The following ADAMTSL5 variants were observed in gnomAD, a reference collection of about 807,000 sequenced individuals.
ADAMTSL5 encodes the protein ADAMTS-like protein 5.
A neutral mutation model predicts 51.7 loss-of-function variants in ADAMTSL5; 53 were observed. That is an observed-to-expected ratio of 1.03 (90% CI 0.82 to 1.29). ADAMTSL5 has a LOEUF of 1.29. ADAMTSL5 is among the 50% of genes most tolerant of loss of function. The pLI is 0.00. For synonymous variants in ADAMTSL5, 285 were observed against 278.7 expected (o/e 1.02, Z -0.23); for missense variants, 770 against 676.2 (o/e 1.14, Z -1.54).
At chr19:1,510,109 G>C (rs374110810) in intron 5 of ADAMTSL5, 41 bp downstream of exon 5, 1 of 1,503,590 alleles carries the variant, frequency 6.7e-7, no homozygotes. Flanking sequence ...TGAGTTGTTC[G>C]CTCTGGACCA....
intron 6 of ADAMTSL5, 83 bp from the exon 7 acceptor site, chr19:1,508,192 G>A: frequency 7.0e-7 from 1 of 1,435,694 alleles, no homozygotes; most frequent in Non-Finnish European, 9.5e-7. Context: ...GGAGCAAGAG[G>A]ACGAGGCCTG....
chr19:1,506,084 G>C lies in ADAMTSL5; in HGVS notation c.1347C>G (p.Gly449=). ...CCGCAGGGCTCCAGGGCCGGGCGTA[G>C]CCGGCGTGGGGCAGCAGCAGCTGGT... ...TQDQLLLPHA[G]YARPWSPAED... The change falls in exon 12 of 12, where the codon GGC becomes GGG. Residue 449 remains glycine (G), a synonymous_variant. Transcript: ENST00000330475. The surrounding 1 kb of genome is among the most constrained non-coding windows in gnomAD (Gnocchi z 5.6). 1 of 1,600,958 alleles carries C rather than the reference G, an allele frequency of 6.2e-7. No homozygotes were observed. The highest frequency in any genetic ancestry group is 8.5e-7 in the Non-Finnish European group (1 of 1,176,772).
chr19:1,510,026 C>T (rs1339301936), intron 5 of ADAMTSL5, 124 bp downstream of exon 5: 3 of 757,584 alleles, frequency 4.0e-6, no homozygotes, highest in East Asian at 2.7e-5. Flanking sequence ...CTAACTCCTA[C>T]ATATCCTTCA....
chr19:1,506,861 G>T lies in ADAMTSL5; in HGVS notation c.920C>A (p.Pro307His). The T allele has an allele frequency of 2.6e-6, 4 of 1,547,986 alleles. No homozygotes were observed. The highest frequency in any genetic ancestry group is 3.5e-6 in the Non-Finnish European group (4 of 1,145,926). ...EFWLPRERYS[P>H]FQARVQALGW... ...CAGGGCCTGCACACGAGCCTGGAAGGGGCTGTAGCGCTCCCGAGGGAGCCA... is the reference window on the plus strand; with the variant it reads ...CAGGGCCTGCACACGAGCCTGGAAGTGGCTGTAGCGCTCCCGAGGGAGCCA... The change falls in exon 10 of 12, where the codon CCC becomes CAC. Residue 307 changes from proline to histidine, a missense_variant. By Grantham distance (77) the Pro-to-His change is moderately conservative. Coordinates refer to ENST00000330475, the MANE Select transcript of ADAMTSL5 (RefSeq NM_213604.3). The surrounding 1 kb of genome is among the most constrained non-coding windows in gnomAD (Gnocchi z 5.6).
rs761415171 is a variant in ADAMTSL5, at chr19:1,506,037, G to A, written c.1394C>T (p.Thr465Ile). Residue 465 changes from threonine (T) to isoleucine (I), a missense_variant, in exon 12 of 12, where the codon ACT becomes ATT. By Grantham distance (89) the Thr-to-Ile change is moderately conservative (BLOSUM62 -1). Transcript: ENST00000330475. This position sits in a 1 kb window ranked among gnomAD's most constrained non-coding sequence, Gnocchi z 5.6. Reference sequence around the variant, plus strand: ...GGCTCAGCCAGGACAGCGCCGGGCAGTCAGGCGTATGCGGCTGTCCTCCGC... The same window carrying A: ...GGCTCAGCCAGGACAGCGCCGGGCAATCAGGCGTATGCGGCTGTCCTCCGC... Reference protein sequence around the residue: ...SPAEDSRIRLTARRCPG With the variant: ...SPAEDSRIRLIARRCPG 1.3e-6 allele frequency: 2 copies of A among 1,582,378 alleles called. No homozygotes were observed. The highest frequency in any genetic ancestry group is 3.5e-5 in the Admixed American group (2 of 57,302).
chr19:1,508,757 C>T (rs900428565), intron 5 of ADAMTSL5, 187 bp from the exon 6 acceptor site: 5 of 617,698 alleles, frequency 8.1e-6, no homozygotes, highest in Middle Eastern at 2.8e-4. Flanking sequence ...ACCTGGGACT[C>T]GCAGGCAAGT....
Position 1,507,567 on chromosome 19 carries a change from G to A in ADAMTSL5, c.678C>T (p.Arg226=), listed in dbSNP as rs377723139. The change falls in exon 8 of 12, where the codon CGC becomes CGT. Residue 226 remains arginine, a synonymous_variant. Coordinates refer to ENST00000330475, the MANE Select transcript of ADAMTSL5 (RefSeq NM_213604.3). ...CACATCCTAGGATACCCAGGTGGTT[G>A]CGGCTCCTGTGTTCCACGCGGATGT... The part of the protein sequence containing the change: ...ARHIRVEHRS[R]NHLALMGGDG... The A allele has an allele frequency of 3.1e-6, 5 of 1,613,514 alleles. No individual in the cohort carries two copies. Among genetic ancestry groups the A allele is most frequent in the Non-Finnish European group, 3.4e-6 (4 of 1,179,968 alleles).
Position 1,510,678 on chromosome 19 carries a change from C to G in ADAMTSL5, c.152G>C (p.Cys51Ser). ...GCTGCGCACAGAGACGCCACGCCCG[C>G]AGGAGCTGGAGCAGCGGGTCCAGGA... ...WVSWTRCSSS[C>S]GRGVSVRSRR... Residue 51 changes from cysteine (C) to serine (S), a missense_variant, in exon 3 of 12, where the codon TGC (cysteine) becomes TCC (serine). Cys to Ser is a moderately radical substitution (Grantham distance 112, BLOSUM62 -1). Transcript: ENST00000330475. 1 of 1,542,514 alleles carries G rather than the reference C, an allele frequency of 6.5e-7. No homozygotes were observed.
intron 7 of ADAMTSL5, 91 bp downstream of exon 7, chr19:1,507,907 G>A (rs942564300): frequency 7.3e-7 from 1 of 1,373,374 alleles, no homozygotes; most frequent in East Asian, 2.5e-5. Context: ...GCCGCACACT[G>A]GCCAATCAGC....
rs748762133 is a variant in ADAMTSL5 at position 1,508,063 on chromosome 19, C to T, written c.536G>A (p.Arg179His). The T allele has an allele frequency of 7.5e-6, 12 of 1,610,520 alleles. No homozygotes were observed. In the East Asian group the frequency reaches 2.0e-4, roughly 27 times the overall value. ...GLLGSGALED[R>H]CGRCGGANDS... ...GTTGGCGCCTCCGCAGCGGCCACAG[C>T]GGTCCTCGAGGGCACCCGAGCCCAA... Residue 179 changes from arginine to histidine, a missense_variant, in exon 7 of 12, where the codon CGC becomes CAC. Transcript: ENST00000330475.
Position 1,508,472 on chromosome 19 carries a change from G to T in ADAMTSL5, c.460C>A (p.Gln154Lys). Residue 154 changes from glutamine (Q) to lysine (K), a missense_variant, in exon 6 of 12, where the codon CAG becomes AAG. Gln to Lys is a moderately conservative substitution (Grantham distance 53). Coordinates refer to ENST00000330475, the MANE Select transcript of ADAMTSL5 (RefSeq NM_213604.3). ...CAGCGGCCAGCCACGCAGACCCCCT[G>T]GGCACCCGGGCTGCAGGCGGTGCCG... The part of the protein sequence containing the change: ...LDGTACSPGA[Q>K]GVCVAGRCLS... The T allele has an allele frequency of 1.3e-6, 2 of 1,579,326 alleles. No homozygotes were observed. Among genetic ancestry groups the T allele is most frequent in the East Asian group, 2.3e-5 (1 of 43,748 alleles).
chr19:1,507,616 G>A lies in ADAMTSL5; in HGVS notation c.629C>T (p.Thr210Ile). The change falls in exon 8 of 12, where the codon ACC (threonine) becomes ATC (isoleucine). Residue 210 changes from threonine to isoleucine, a missense_variant. By Grantham distance (89) the Thr-to-Ile change is moderately conservative. Transcript: ENST00000330475. ...AGAFAGYWNV[T>I]LIPEGARHIR... is the part of the protein sequence containing the mutation. The stretch of plus-strand genomic sequence containing the variant: ...GTGTCTGGCGCCCTCGGGGATCAGG[G>A]TCACGTTCCAGTACCCAGCGAAGGC... 1.2e-6 allele frequency: 2 copies of A among 1,613,572 alleles called. No homozygotes were observed. Among genetic ancestry groups the A allele is most frequent in the Non-Finnish European group, 8.5e-7 (1 of 1,180,014 alleles).
At position 1,507,943 on chromosome 19, in the gene ADAMTSL5, C is replaced by T; in HGVS notation, c.601+55G>A. 3.3e-6 allele frequency: 5 copies of T among 1,519,450 alleles called. No homozygotes were observed. The South Asian group carries it at 4.8e-5, about 15-fold the overall frequency. The allele number at this position is 1,519,450 out of a possible 1,614,324, so 94.1% of individuals were successfully genotyped here. On this transcript the variant is annotated intron_variant, in intron 7 of 11. Coordinates refer to ENST00000330475, the MANE Select transcript of ADAMTSL5 (RefSeq NM_213604.3). ...ACGGAAATTTGCTTCCGGGCCACGG[C>T]TCGTTAAAGGGCCCACTCTGACGTG...
At chr19:1,511,610 C>CCACAAA in intron 1 of ADAMTSL5, 1 of 1,266,650 alleles carries the variant, frequency 7.9e-7, no homozygotes, top group Non-Finnish European at 1.0e-6. Context: ...CCCTCCCCAC[C>CCACAAA]ATCACTGCTT....
In ADAMTSL5 at chr19:1,506,627, G is replaced by A. The variant is rs1214666039; in HGVS notation, c.1077C>T (p.Arg359=). The change falls in exon 11 of 12, where the codon CGC becomes CGT. Residue 359 remains arginine, a synonymous_variant. Transcript: ENST00000330475. The surrounding 1 kb of genome is among the most constrained non-coding windows in gnomAD (Gnocchi z 5.6). ...CGCAATAGTGGAGTAGTCGGTGGGC[G>A]CGGCCGCGGGTGTCAGGGCAGGGTG... is the stretch of plus-strand genomic sequence containing the variant. The part of the protein sequence containing the change: ...PCPPCPDTRG[R]AHRLLHYCGS... The A allele has an allele frequency of 8.7e-6, 14 of 1,611,634 alleles. No homozygotes were observed. In the African/African-American group the frequency reaches 9.4e-5, roughly 11 times the overall value.
Position 1,505,896 on chromosome 19 carries a change from C to T in ADAMTSL5, c.*119G>A. ...TGTGTGGGAGGGAGTCACATAGCTG[C>T]ACAGGTGGGACGTATTTCAGAGCTG... is the stretch of plus-strand genomic sequence containing the variant. On this transcript the variant is annotated 3_prime_UTR_variant, in exon 12 of 12. Transcript: ENST00000330475. 1 of 1,281,212 alleles carries T rather than the reference C, an allele frequency of 7.8e-7. No individual in the cohort carries two copies. The highest frequency in any genetic ancestry group is 1.0e-6 in the Non-Finnish European group (1 of 963,298). 79.4% of individuals were successfully genotyped at this position (1,281,212 alleles called of 1,614,324 possible).
At chr19:1,509,635 A>AGGGG (rs1913149187) in intron 5 of ADAMTSL5, among the ~76,000 whole-genome samples, 2 of 84,862 alleles carry the variant, frequency 2.4e-5, no homozygotes, top group African/African-American at 4.5e-5. Flanking sequence ...GGAGGGAGGG[A>AGGGG]GGGAGGGAGG....
intron 6 of ADAMTSL5, 107 bp from the exon 7 acceptor site, chr19:1,508,216 G>A: frequency 7.5e-7 from 1 of 1,336,588 alleles, no homozygotes; most frequent in Non-Finnish European, 1.0e-6. Context: ...GGAAGATGGG[G>A]GTGGAGCCTA....
rs1568242516 is a variant in ADAMTSL5 at position 1,508,080 on chromosome 19, CG to C, written c.518del (p.Ser173TrpfsTer37). On this transcript the variant is annotated frameshift_variant, in exon 7 of 12. Transcript: ENST00000330475. LOFTEE classifies it high-confidence loss of function. ...GGCCACAGCGGTCCTCGAGGGCACCCGAGCCCAACAACCCATCACAGCCGGC... is the reference window on the plus strand; with the variant it reads ...GGCCACAGCGGTCCTCGAGGGCACCCAGCCCAACAACCCATCACAGCCGGC... ...LSAGCDGLLG[S>X]GALEDRCGRC... is the part of the protein sequence containing the mutation. 6.2e-7 allele frequency: 1 copy of C among 1,610,458 alleles called. No homozygotes were observed. The highest frequency in any genetic ancestry group is 2.2e-5 in the East Asian group (1 of 44,786).
Sources: allele counts gnomAD v4.1 joint callset (sites outside exome capture counted in the v4.1 genomes callset), GRCh38; gene constraint gnomAD v4.1.1; non-coding constraint Gnocchi (gnomAD v3.1); transcripts MANE v1.5; gene names NCBI Gene and HGNC (gene_info 2026-07-23, HGNC 2026-07-21).